Variants in ZNF536 observed in about 807,000 individuals in gnomAD.
ZNF536 encodes zinc finger protein 536.
In ZNF536, 13 loss-of-function variants were observed where a neutral mutation model predicts 84.5. The observed-to-expected ratio is 0.15, with a 90% CI of 0.10 to 0.24. ZNF536 has a LOEUF of 0.24. Among genes scored for constraint, ZNF536 ranks in the 10% least tolerant of loss-of-function variants. The pLI is 1.00. For synonymous variants in ZNF536, 811 were observed against 742.5 expected (o/e 1.09, Z -1.50); for missense variants, 1,536 against 1,747.5 (o/e 0.88, Z 2.16).
At chr19:30,704,371 G>T (rs1035635457) in intron 1 of ZNF536, among the ~76,000 whole-genome samples, 1 of 152,136 alleles carries the variant, frequency 6.6e-6, no homozygotes, top group Non-Finnish European at 1.5e-5. Flanking sequence ...GATGGGCTGG[G>T]CACAGTGGTT....
intron 1 of ZNF536, among the ~76,000 whole-genome samples, chr19:30,237,205 T>C (rs1364563851): frequency 6.6e-6 from 1 of 152,134 alleles, no homozygotes; most frequent in East Asian, 1.9e-4. Flanking sequence ...AATCACACAA[T>C]TTTTGTGTGA....
intron 1 of ZNF536, among the ~76,000 whole-genome samples, chr19:30,614,942 A>T (rs1048297457): frequency 5.0e-4 from 16 of 32,288 alleles, no homozygotes; most frequent in South Asian, 3.3e-3. Flanking sequence ...CCCCTTTTCA[A>T]TTTTTTTTTT....
At chr19:30,301,571 G>T (rs889252158) in intron 2 of ZNF536, among the ~76,000 whole-genome samples, 4 of 152,232 alleles carry the variant, frequency 2.6e-5, no homozygotes, top group African/African-American at 4.8e-5. Context: ...AAGAGTAATG[G>T]ACAGAGTGCA....
chr19:30,236,803 G>A (rs1288111985), intron 1 of ZNF536, among the ~76,000 whole-genome samples: 1 of 152,154 alleles, frequency 6.6e-6, no homozygotes. Flanking sequence ...TGGTGATATG[G>A]CTTGTCCTTT....
intron 1 of ZNF536, among the ~76,000 whole-genome samples, chr19:30,633,119 C>G (rs2048949186): frequency 6.6e-6 from 1 of 152,154 alleles, no homozygotes; most frequent in Admixed American, 6.5e-5. Context: ...AAAAATAGAA[C>G]AGCCAAAAGT....
At chr19:30,644,163 A>G (rs1056970005) in intron 1 of ZNF536, among the ~76,000 whole-genome samples, 3 of 152,154 alleles carry the variant, frequency 2.0e-5, no homozygotes, top group African/African-American at 7.2e-5. Context: ...ATGTTGGAAG[A>G]GGGATCTGCA....
intron 1 of ZNF536, among the ~76,000 whole-genome samples, chr19:30,282,982 A>G (rs1434477922): frequency 6.6e-6 from 1 of 152,202 alleles, no homozygotes; most frequent in African/African-American, 2.4e-5. Flanking sequence ...GCATGCAGTC[A>G]GCAAACACAT....
chr19:30,429,440 G>A (rs2051352525), intron 1 of ZNF536, among the ~76,000 whole-genome samples: 1 of 152,120 alleles, frequency 6.6e-6, no homozygotes, highest in African/African-American at 2.4e-5. Flanking sequence ...TAGAGGTTCA[G>A]AATGGAGGCT....
Position 30,360,064 on chromosome 19 carries a change from G to A in ZNF536, c.-3+7580G>A, listed in dbSNP as rs574885214. Among the ~76,000 whole-genome samples, 15 of 152,328 alleles carry A rather than the reference G, an allele frequency of 9.8e-5. No individual in the cohort carries two copies. In the East Asian group the frequency reaches 1.5e-3, roughly 16 times the overall value. On this transcript the variant is annotated intron_variant, in intron 3 of 5. Transcript: ENST00000585628. ...AGCTTCCCCCATATGAAGAGTCTGC[G>A]GGTCAGAGAGGCAAGCAGGTGGCCC...
intron 1 of ZNF536, among the ~76,000 whole-genome samples, chr19:30,381,124 T>C (rs1264065898): frequency 1.3e-5 from 2 of 152,180 alleles, no homozygotes; most frequent in East Asian, 3.8e-4. Flanking sequence ...GCTATCCTCC[T>C]ACTTCAGCCT....
intron 1 of ZNF536, among the ~76,000 whole-genome samples, chr19:30,690,738 C>A (rs889219523): frequency 6.6e-6 from 1 of 152,074 alleles, no homozygotes; most frequent in Non-Finnish European, 1.5e-5. Flanking sequence ...TCAGTTTTCC[C>A]GTCTGTAAAA....
intron 2 of ZNF536, among the ~76,000 whole-genome samples, chr19:30,344,980 C>T (rs2146611654): frequency 6.6e-6 from 1 of 152,348 alleles, no homozygotes; most frequent in South Asian, 2.1e-4. Context: ...TTTCTGCCTC[C>T]TGCTGGCTTA....
chr19:30,582,212 A>C (rs2046943726), intron 1 of ZNF536, among the ~76,000 whole-genome samples: 1 of 152,108 alleles, frequency 6.6e-6, no homozygotes, highest in Non-Finnish European at 1.5e-5. Flanking sequence ...CACAATGGGC[A>C]GACGTGCACC....
intron 1 of ZNF536, among the ~76,000 whole-genome samples, chr19:30,411,145 A>C (rs2050479921): frequency 6.6e-6 from 1 of 152,226 alleles, no homozygotes; most frequent in African/African-American, 2.4e-5. Flanking sequence ...ATATTTCTAT[A>C]ATATGGATAC....
At chr19:30,253,913 A>G (rs1387607769) in intron 1 of ZNF536, among the ~76,000 whole-genome samples, 1 of 152,148 alleles carries the variant, frequency 6.6e-6, no homozygotes, top group African/African-American at 2.4e-5. Context: ...TCCCAACCCG[A>G]TGCTTCATTT....
intron 1 of ZNF536, among the ~76,000 whole-genome samples, chr19:30,428,276 G>A (rs146582146): frequency 1.6e-3 from 244 of 152,314 alleles, no homozygotes; most frequent in Non-Finnish European, 2.6e-3. Context: ...AGGAGCAGAC[G>A]CAGGCTTTGC....
intron 1 of ZNF536, among the ~76,000 whole-genome samples, chr19:30,576,881 C>G (rs2046758340): frequency 6.6e-6 from 1 of 152,222 alleles, no homozygotes. Context: ...GGGAGGCACT[C>G]TGCAAGCCGG....
intron 2 of ZNF536, among the ~76,000 whole-genome samples, chr19:30,288,393 A>G (rs2045722214): frequency 6.6e-6 from 1 of 152,026 alleles, no homozygotes; most frequent in Non-Finnish European, 1.5e-5. Flanking sequence ...TCTTGAGGGG[A>G]TAGGCTGAGG....
In ZNF536 at chr19:30,500,711, C is replaced by T. The variant is rs148233115; in HGVS notation, c.2171-34136C>T. ...TGAATGTGGGTCTCACAACCCCAGGCTTGCTCCTGGTTCTAGAATCTCAGC... is the reference window on the plus strand; with the variant it reads ...TGAATGTGGGTCTCACAACCCCAGGTTTGCTCCTGGTTCTAGAATCTCAGC... On this transcript the variant is annotated intron_variant, in intron 2 of 4. Coordinates refer to ENST00000355537, the MANE Select transcript of ZNF536 (RefSeq NM_014717.3). Among the ~76,000 whole-genome samples the T allele has an allele frequency of 2.7e-3, 415 of 152,384 alleles. 2 individuals carry two copies. The highest frequency in any genetic ancestry group is 5.0e-3 in the Non-Finnish European group (339 of 68,050).
Sources: allele counts gnomAD v4.1 joint callset (sites outside exome capture counted in the v4.1 genomes callset), GRCh38; gene constraint gnomAD v4.1.1; transcripts MANE v1.5; gene names NCBI Gene and HGNC (gene_info 2026-07-23, HGNC 2026-07-21).